DDX60L: variants seen among roughly 807,000 people sequenced by gnomAD.
DDX60L encodes probable ATP-dependent RNA helicase DDX60-like.
Under a neutral mutation model 211.6 loss-of-function variants are expected in DDX60L, and 191 were observed. That is an observed-to-expected ratio of 0.90 (90% CI 0.80 to 1.02). DDX60L has a LOEUF of 1.02. Among genes scored for constraint, DDX60L ranks in the 50% least tolerant of loss-of-function variants. The probability of loss-of-function intolerance (pLI) is 0.00; values close to 1 mark genes in which losing one functional copy is unlikely to be tolerated. For synonymous variants in DDX60L, 706 were observed against 694.1 expected (o/e 1.02, Z -0.27); for missense variants, 2,007 against 1,984.1 (o/e 1.01, Z -0.22).
intron 8 of DDX60L, among the ~76,000 whole-genome samples, chr4:168,448,986 T>A (rs192751883): frequency 8.8e-4 from 134 of 152,298 alleles, no homozygotes; most frequent in African/African-American, 2.8e-3. Flanking sequence ...TTGCACTGCT[T>A]ATCCTAGTAC....
rs746947107 is a variant in DDX60L at position 168,384,801 on chromosome 4, A to G, written c.3927T>C (p.Arg1309=). The G allele has an allele frequency of 5.6e-6, 9 of 1,612,768 alleles. No individual in the cohort carries two copies. The South Asian group carries it at 9.9e-5, about 18-fold the overall frequency. Residue 1309 remains arginine, a synonymous_variant, in exon 30 of 38, where the codon CGT becomes CGC. Transcript: ENST00000682922. ...DALNYRQMSG[R]AGRRGQDLLG... ...GCAGGTCTTGACCTCTTCTTCCAGCACGACCAGACATCTGGAAGCAGCAAA... is the reference window on the plus strand; with the variant it reads ...GCAGGTCTTGACCTCTTCTTCCAGCGCGACCAGACATCTGGAAGCAGCAAA...
rs144968592 is a variant in DDX60L at position 168,477,155 on chromosome 4, T to C, written c.-111+3222A>G. Among the ~76,000 whole-genome samples the C allele has an allele frequency of 3.1e-3, 466 of 152,180 alleles. 2 individuals are homozygous for C. The highest frequency in any genetic ancestry group is 6.2e-3 in the South Asian group (30 of 4,826). ...TCTTGGCTGGGCGCGGTGGCTCACG[T>C]CTGTAATCCCAGCACTTTGGGAGGC... On this transcript the variant is annotated intron_variant, in intron 1 of 37. Coordinates refer to ENST00000682922, the MANE Select transcript of DDX60L (RefSeq NM_001012967.3).
rs183501805 is a variant in DDX60L, at chr4:168,459,495, C to T, written c.607-1487G>A. Among the ~76,000 whole-genome samples, 1,096 of 151,882 alleles carry T rather than the reference C, an allele frequency of 7.2e-3. 4 individuals are homozygous for T. The highest frequency in any genetic ancestry group is 9.4e-3 in the Admixed American group (143 of 15,270). ...GGCCAGGCACAGTGGCTCACGCCTG[C>T]AATCCCAGCACTTTAGGAGGCCAAG... is the stretch of plus-strand genomic sequence containing the variant. On this transcript the variant is annotated intron_variant, in intron 5 of 37. Coordinates refer to ENST00000682922, the MANE Select transcript of DDX60L (RefSeq NM_001012967.3).
chr4:168,426,161 A>G (rs1215781420), intron 14 of DDX60L, among the ~76,000 whole-genome samples: 2 of 152,150 alleles, frequency 1.3e-5, no homozygotes, highest in Non-Finnish European at 2.9e-5. Context: ...CTCTCAAGGA[A>G]TTCTGGTAAC....
intron 22 of DDX60L, among the ~76,000 whole-genome samples, chr4:168,414,057 C>G (rs1749118105): frequency 6.6e-6 from 1 of 152,122 alleles, no homozygotes; most frequent in South Asian, 2.1e-4. Context: ...GGAAACCTCA[C>G]AGGCCAGAAG....
At chr4:168,428,446 A>G (rs1297020623) in intron 13 of DDX60L, among the ~76,000 whole-genome samples, 2 of 152,108 alleles carry the variant, frequency 1.3e-5, no homozygotes, top group Non-Finnish European at 2.9e-5. Flanking sequence ...AAGACTCTAG[A>G]TCTCTGATTA....
intron 37 of DDX60L, among the ~76,000 whole-genome samples, chr4:168,359,072 A>C (rs1339530005): frequency 6.6e-6 from 1 of 152,226 alleles, no homozygotes; most frequent in East Asian, 1.9e-4. Flanking sequence ...GAGACATAGA[A>C]AAGTGAGTCC....
At chr4:168,445,201 C>G (rs1452961471) in intron 9 of DDX60L, among the ~76,000 whole-genome samples, 1 of 130,666 alleles carries the variant, frequency 7.7e-6, no homozygotes, top group Non-Finnish European at 1.7e-5. Context: ...GGGGATATCA[C>G]CACCGATCCC....
At chr4:168,408,707 C>T (rs914061176) in intron 22 of DDX60L, among the ~76,000 whole-genome samples, 2 of 152,270 alleles carry the variant, frequency 1.3e-5, no homozygotes, top group Middle Eastern at 3.4e-3. Context: ...GTAGTTCTTT[C>T]GAGGACTGCC....
intron 7 of DDX60L, 24 bp from the exon 8 acceptor site, chr4:168,453,306 A>G (rs990935170): frequency 1.9e-6 from 3 of 1,596,052 alleles, no homozygotes; most frequent in Non-Finnish European, 2.6e-6. Context: ...AGAAGATGAG[A>G]ACAGTCACAA....
chr4:168,426,683 G>A lies in DDX60L; in HGVS notation c.1930+387C>T, dbSNP rs578064424. Among the ~76,000 whole-genome samples the A allele has an allele frequency of 7.9e-5, 12 of 152,270 alleles. No individual in the cohort carries two copies. The East Asian group carries it at 2.3e-3, about 29-fold the overall frequency. On this transcript the variant is annotated intron_variant, in intron 14 of 37. Coordinates refer to ENST00000682922, the MANE Select transcript of DDX60L (RefSeq NM_001012967.3). ...GCAGAAACATGGAAAAACCCATGGA[G>A]AATCACCTCCCAACAGCAACTTCAC...
At position 168,455,029 on chromosome 4, in the gene DDX60L, CA is replaced by C. The variant is rs368789164; in HGVS notation, c.837+1009del. Among the ~76,000 whole-genome samples, 56 of 151,676 alleles carry C rather than the reference CA, an allele frequency of 3.7e-4. 1 individual carries two copies. In the East Asian group the frequency reaches 9.5e-3, roughly 26 times the overall value. ...ATCATGTCTATTTCTTCTCTCTCTCCAAATATATTTATTTTTGGCATATATA... is the reference window on the plus strand; with the variant it reads ...ATCATGTCTATTTCTTCTCTCTCTCCAATATATTTATTTTTGGCATATATA... On this transcript the variant is annotated intron_variant, in intron 7 of 37. Coordinates refer to ENST00000682922, the MANE Select transcript of DDX60L (RefSeq NM_001012967.3).
chr4:168,444,112 T>C (rs1045064143), intron 9 of DDX60L, among the ~76,000 whole-genome samples: 1 of 56,220 alleles, frequency 1.8e-5, no homozygotes, highest in African/African-American at 6.5e-5. Context: ...GACCCATCAG[T>C]GTGCTGTATT....
chr4:168,375,330 TTG>T, intron 34 of DDX60L, 45 bp downstream of exon 34: 1 of 1,577,650 alleles, frequency 6.3e-7, no homozygotes, highest in Non-Finnish European at 8.6e-7. Flanking sequence ...TTAACCAAGA[TTG>T]TTTACTCTTT....
chr4:168,408,659 C>T (rs570020616), intron 22 of DDX60L, among the ~76,000 whole-genome samples: 5 of 152,206 alleles, frequency 3.3e-5, no homozygotes, highest in Admixed American at 3.3e-4. Flanking sequence ...AAGTTACATA[C>T]TAAGCATTTA....
Position 168,379,524 on chromosome 4 carries a change from A to C in DDX60L, c.4222-20T>G. 6.6e-7 allele frequency: 1 copy of C among 1,520,936 alleles called. No individual in the cohort carries two copies. The highest frequency in any genetic ancestry group is 1.3e-5 in the South Asian group (1 of 77,246). 94.2% of individuals were successfully genotyped at this position (1,520,936 alleles called of 1,614,324 possible). On this transcript the variant is annotated intron_variant, in intron 31 of 37. Coordinates refer to ENST00000682922, the MANE Select transcript of DDX60L (RefSeq NM_001012967.3). The stretch of plus-strand genomic sequence containing the variant: ...ATAGTCCTAAAAATGAGAAACAAAA[A>C]GTTGATTTAACTTGTCATGTACTCA...
intron 1 of DDX60L, among the ~76,000 whole-genome samples, chr4:168,476,400 G>A (rs1354644520): frequency 1.3e-5 from 2 of 152,042 alleles, no homozygotes; most frequent in African/African-American, 4.8e-5. Context: ...CATAAAAATG[G>A]AGATAGCAAG....
Position 168,375,471 on chromosome 4 carries a change from G to C in DDX60L, c.4539C>G (p.Asn1513Lys), listed in dbSNP as rs766033629. Residue 1513 changes from asparagine (N) to lysine (K), a missense_variant, in exon 34 of 38, where the codon AAC becomes AAG. Coordinates refer to ENST00000682922, the MANE Select transcript of DDX60L (RefSeq NM_001012967.3). ...AGGCAAAATCCTTCATTACTGCCAG[G>C]TTATACTCATATAAAGCAGCTTTAA... ...EDFKAALYEY[N>K]LAVMKDFASF... 3.4e-5 allele frequency: 55 copies of C among 1,612,894 alleles called. No individual in the cohort carries two copies. In the Admixed American group the frequency reaches 8.9e-4, roughly 26 times the overall value.
Position 168,415,777 on chromosome 4 carries a change from A to G in DDX60L, c.2749T>C (p.Tyr917His), listed in dbSNP as rs754621999. 39 of 1,567,668 alleles carry G rather than the reference A, an allele frequency of 2.5e-5. 1 individual carries two copies. In the Admixed American group the frequency reaches 6.6e-4, roughly 27 times the overall value. The change falls in exon 21 of 38, where the codon TAC becomes CAC. Residue 917 changes from tyrosine (Y) to histidine (H), a missense_variant. Tyr to His is a moderately conservative substitution (Grantham distance 83). Transcript: ENST00000682922. The stretch of plus-strand genomic sequence containing the variant: ...ATAATCTTGTCTGCCTGTTTCCAGT[A>G]CTGTTTTACTGATTGCAGCCACCTT... ...LTKWLQSVKQ[Y>H]WKQADKIMEE...
Sources: allele counts gnomAD v4.1 joint callset (sites outside exome capture counted in the v4.1 genomes callset), GRCh38; gene constraint gnomAD v4.1.1; transcripts MANE v1.5; gene names NCBI Gene and HGNC (gene_info 2026-07-23, HGNC 2026-07-21).